ITGA9: variants seen among roughly 807,000 people sequenced by gnomAD.
ITGA9 encodes integrin subunit alpha 9.
In ITGA9, 56 loss-of-function variants were observed where a neutral mutation model predicts 127.8. That is an observed-to-expected ratio of 0.44 (90% confidence interval 0.35 to 0.55). The LOEUF is 0.55. ITGA9 is among the 20% of genes least tolerant of loss of function. The probability of loss-of-function intolerance (pLI) is 0.00; values close to 1 mark genes in which losing one functional copy is unlikely to be tolerated. For missense variants in ITGA9, 1,196 were observed against 1,347.1 expected, an observed-to-expected ratio of 0.89 and a Z score of 1.76; for synonymous variants, 508 against 514.5, an observed-to-expected ratio of 0.99 and a Z score of 0.17.
rs556645468 is a variant in ITGA9, at chr3:37,823,155, G to A, written c.*4166G>A. The A allele has an allele frequency of 2.0e-5, 3 of 152,334 alleles. No homozygotes were observed. The East Asian group carries it at 5.8e-4, about 29-fold the overall frequency. 9.4% of individuals were successfully genotyped at this position (152,334 alleles called of 1,614,324 possible). A position where few individuals can be genotyped will look rare whatever the true frequency, so the allele number is the denominator to read the frequency against. ...AAGTGAACAAATTTCCCAACATCGT[G>A]CAATGCTTTATAGCACAATGATCTA... On this transcript the variant is annotated 3_prime_UTR_variant, in exon 28 of 28. Transcript: ENST00000264741.
At chr3:37,705,288 T>G (rs1402733123) in intron 18 of ITGA9, among the ~76,000 whole-genome samples, 2 of 152,238 alleles carry the variant, frequency 1.3e-5, no homozygotes, top group Admixed American at 6.5e-5. Flanking sequence ...AAAAGTACCA[T>G]TTACACATTT....
At chr3:37,763,080 A>G (rs1334945065) in intron 23 of ITGA9, among the ~76,000 whole-genome samples, 1 of 152,260 alleles carries the variant, frequency 6.6e-6, no homozygotes, top group African/African-American at 2.4e-5. Flanking sequence ...CGCCCAGCAT[A>G]TGCTAAGCAC....
At chr3:37,785,139 G>C in intron 26 of ITGA9, 61 bp downstream of exon 26, 2 of 1,178,612 alleles carry the variant, frequency 1.7e-6, no homozygotes, top group Non-Finnish European at 2.6e-6. Flanking sequence ...GTGACTTGGA[G>C]ACCTGGAGCT....
chr3:37,644,197 G>A (rs1329482912), intron 16 of ITGA9, among the ~76,000 whole-genome samples: 8 of 152,112 alleles, frequency 5.3e-5, no homozygotes, highest in African/African-American at 1.9e-4. Flanking sequence ...AAGAGCACTG[G>A]GCTGGGAGTC....
At chr3:37,616,203 T>C (rs1471270628) in intron 15 of ITGA9, among the ~76,000 whole-genome samples, 1 of 152,266 alleles carries the variant, frequency 6.6e-6, no homozygotes, top group African/African-American at 2.4e-5. Flanking sequence ...TCTTTATTTC[T>C]GCCTTCATTT....
chr3:37,703,092 G>A (rs1047396747), intron 18 of ITGA9, among the ~76,000 whole-genome samples: 15 of 152,078 alleles, frequency 9.9e-5, no homozygotes, highest in Admixed American at 2.6e-4. Flanking sequence ...TCATCTCAGG[G>A]TCTGTTTCTA....
At chr3:37,733,338 C>T (rs1696319760) in intron 19 of ITGA9, among the ~76,000 whole-genome samples, 2 of 152,056 alleles carry the variant, frequency 1.3e-5, no homozygotes, top group Admixed American at 1.3e-4. Flanking sequence ...AAATAGTATA[C>T]TACAGCATCT....
chr3:37,496,880 A>G (rs1234102711), intron 5 of ITGA9, among the ~76,000 whole-genome samples: 1 of 152,192 alleles, frequency 6.6e-6, no homozygotes, highest in Admixed American at 6.5e-5. Context: ...CTAATGGAGG[A>G]ACTGCTGGGT....
rs1290758183 is a variant in ITGA9, at chr3:37,653,753, G to A, written c.1879G>A (p.Ala627Thr). ...GAATTGCCGTTCAGAGGACTGTGCC[G>A]CAGACCTGCAGCTTCAGGGTAAACT... ...ERNCRSEDCA[A>T]DLQLQGKLLL... The change falls in exon 17 of 28, where the codon GCA becomes ACA. Residue 627 changes from alanine (A) to threonine (T), a missense_variant. Physicochemically the swap from Ala to Thr is moderately conservative, Grantham distance 58. Coordinates refer to ENST00000264741, the MANE Select transcript of ITGA9 (RefSeq NM_002207.3). 8 of 1,613,604 alleles carry A rather than the reference G, an allele frequency of 5.0e-6. No individual in the cohort carries two copies. The highest frequency in any genetic ancestry group is 2.2e-5 in the East Asian group (1 of 44,882).
At chr3:37,515,980 G>T (rs1698980384) in intron 9 of ITGA9, among the ~76,000 whole-genome samples, 1 of 152,226 alleles carries the variant, frequency 6.6e-6, no homozygotes, top group African/African-American at 2.4e-5. Context: ...ATTCCAGGAA[G>T]TCAGGGCAGG....
chr3:37,811,070 G>T (rs995777720), intron 27 of ITGA9, among the ~76,000 whole-genome samples: 1 of 152,166 alleles, frequency 6.6e-6, no homozygotes, highest in Non-Finnish European at 1.5e-5. Flanking sequence ...CACAATGAGG[G>T]CCCCAAGCTA....
Position 37,473,377 on chromosome 3 carries a change from G to A in ITGA9, c.337G>A (p.Gly113Arg), listed in dbSNP as rs759719660. ...AGGGAAGAATCGGGGCACGTCCTGC[G>A]GAAAGACCTGCCGGGAAGACCGCGA... ...ARGKNRGTSC[G>R]KTCREDRDDE... Residue 113 changes from glycine (G) to arginine (R), a missense_variant, in exon 3 of 28, where the codon GGA becomes AGA. Coordinates refer to ENST00000264741, the MANE Select transcript of ITGA9 (RefSeq NM_002207.3). 4.3e-6 allele frequency: 7 copies of A among 1,614,084 alleles called. No individual in the cohort carries two copies. The highest frequency in any genetic ancestry group is 1.1e-5 in the South Asian group (1 of 91,080).
intron 16 of ITGA9, among the ~76,000 whole-genome samples, chr3:37,651,235 T>G (rs1700426276): frequency 6.6e-6 from 1 of 152,180 alleles, no homozygotes; most frequent in Non-Finnish European, 1.5e-5. Context: ...AAAGCCAGTT[T>G]CAGGGACAGG....
chr3:37,720,200 T>C (rs1701176783), intron 18 of ITGA9, among the ~76,000 whole-genome samples: 1 of 152,096 alleles, frequency 6.6e-6, no homozygotes, highest in Non-Finnish European at 1.5e-5. Context: ...ATGAGCAGAG[T>C]AGAAGGGGGT....
At chr3:37,503,862 C>T (rs1698814287) in intron 6 of ITGA9, among the ~76,000 whole-genome samples, 3 of 152,238 alleles carry the variant, frequency 2.0e-5, no homozygotes, top group Non-Finnish European at 4.4e-5. Flanking sequence ...GACACTGGGA[C>T]AAGGTCCATG....
chr3:37,637,303 T>C (rs1700288938), intron 16 of ITGA9, among the ~76,000 whole-genome samples: 1 of 152,210 alleles, frequency 6.6e-6, no homozygotes, highest in Non-Finnish European at 1.5e-5. Context: ...TCCTCTTTTA[T>C]TTCATTGAGC....
At position 37,494,573 on chromosome 3, in the gene ITGA9, G is replaced by T. The variant is rs1401020342; in HGVS notation, c.612+5G>T. ...ATAGCGGGCTTCTTCACCGAGGTGG[G>T]TGTCTGCTGTCTGGGCATTTCTGTT... On this transcript the variant is annotated splice_donor_5th_base_variant and intron_variant, in intron 5 of 27. Coordinates refer to ENST00000264741, the MANE Select transcript of ITGA9 (RefSeq NM_002207.3). 54 of 1,611,676 alleles carry T rather than the reference G, an allele frequency of 3.4e-5. No homozygotes were observed. Among genetic ancestry groups the T allele is most frequent in the Non-Finnish European group, 4.4e-5 (52 of 1,177,968 alleles).
Position 37,675,777 on chromosome 3 carries a change from C to A in ITGA9, c.1917-8088C>A, listed in dbSNP as rs573483100. ...TTTTTTTTTTTGAGATGGAATCTTGCTCTTTTGCCAGACTGGAGTGCAGTG... is the reference window on the plus strand; with the variant it reads ...TTTTTTTTTTTGAGATGGAATCTTGATCTTTTGCCAGACTGGAGTGCAGTG... On this transcript the variant is annotated intron_variant, in intron 17 of 27. Transcript: ENST00000264741. Among the ~76,000 whole-genome samples the A allele has an allele frequency of 2.3e-3, 273 of 118,992 alleles. 13 individuals carry two copies. The South Asian group carries it at 0.07, about 31-fold the overall frequency. The allele number at this position is 118,992 out of a possible 152,430, so 78.1% of individuals were successfully genotyped here.
chr3:37,513,988 C>T (rs991032387), intron 9 of ITGA9, 88 bp downstream of exon 9: 11 of 1,491,848 alleles, frequency 7.4e-6, no homozygotes, highest in Non-Finnish European at 1.0e-5. Context: ...TCTGGGCCGG[C>T]ACTGGGGGCA....
Sources: allele counts gnomAD v4.1 joint callset (sites outside exome capture counted in the v4.1 genomes callset), GRCh38; gene constraint gnomAD v4.1.1; transcripts MANE v1.5; gene names NCBI Gene and HGNC (gene_info 2026-07-23, HGNC 2026-07-21).